Variants in SLCO6A1 observed in about 807,000 individuals in gnomAD.
The protein encoded by SLCO6A1 is cancer/testis antigen 48.
In SLCO6A1, 65 loss-of-function variants were observed where a neutral mutation model predicts 72.7. The observed-to-expected ratio is 0.89, with a 90% confidence interval of 0.73 to 1.10. The LOEUF is 1.10. Among genes scored for constraint, SLCO6A1 ranks in the 50% least tolerant of loss-of-function variants. The pLI, the probability that SLCO6A1 is intolerant of heterozygous loss-of-function variation, is 0.00. For missense variants in SLCO6A1, 874 were observed against 872.6 expected (o/e 1.00, Z -0.02); for synonymous variants, 314 against 298.2 (o/e 1.05, Z -0.55).
intron 1 of SLCO6A1, among the ~76,000 whole-genome samples, chr5:102,489,429 C>A (rs1274207220): frequency 6.6e-6 from 1 of 151,982 alleles, no homozygotes; most frequent in African/African-American, 2.4e-5. Context: ...AACAAATAAT[C>A]CAATTTAAAA....
chr5:102,393,652 G>A lies in SLCO6A1; in HGVS notation c.1815-2607C>T, dbSNP rs543308816. On this transcript the variant is annotated intron_variant, in intron 10 of 13. Coordinates refer to ENST00000506729, the MANE Select transcript of SLCO6A1 (RefSeq NM_173488.5). The stretch of plus-strand genomic sequence containing the variant: ...CTACATTTTTTTTTCTGTCTACCTT[G>A]TTACATCTAACATGCATCAGAGGAG... 3.3e-5 allele frequency among the ~76,000 whole-genome samples: 5 copies of A among 151,732 alleles called. 1 individual carries two copies. The highest frequency in any genetic ancestry group is 3.3e-4 in the Admixed American group (5 of 15,222).
rs558942273 is a variant in SLCO6A1, at chr5:102,374,653, A to C, written c.2018-1159T>G. On this transcript the variant is annotated intron_variant, in intron 12 of 13. Transcript: ENST00000506729. ...TCTATGCCATTTATAATGATACAAT[A>C]ACATTTTATACATTTTACAGGGAAA... 4.1e-3 allele frequency among the ~76,000 whole-genome samples: 631 copies of C among 152,334 alleles called. 10 individuals carry two copies. Among genetic ancestry groups the C allele is most frequent in the African/African-American group, 0.015 (607 of 41,588 alleles).
chr5:102,442,588 T>C (rs1438695991), intron 6 of SLCO6A1, among the ~76,000 whole-genome samples: 3 of 152,206 alleles, frequency 2.0e-5, no homozygotes, highest in East Asian at 1.9e-4. Flanking sequence ...ATCTACATGG[T>C]ATAAAACACA....
At chr5:102,480,550 T>C in intron 1 of SLCO6A1, 116 bp from the exon 2 acceptor site, 1 of 1,040,562 alleles carries the variant, frequency 9.6e-7, no homozygotes, top group Non-Finnish European at 1.4e-6. Context: ...TTATTCTGAA[T>C]GTTTAAAAGC....
Position 102,406,051 on chromosome 5 carries a change from G to A in SLCO6A1, c.1627-6309C>T, listed in dbSNP as rs148959066. 2.0e-5 allele frequency among the ~76,000 whole-genome samples: 3 copies of A among 152,002 alleles called. No homozygotes were observed. In the East Asian group the frequency reaches 5.8e-4, roughly 29 times the overall value. ...TCAATTCAAAGAGATAAAACAAAAT[G>A]TCAAGGTATACTAAAGTGAAATAGC... On this transcript the variant is annotated intron_variant, in intron 9 of 13. Transcript: ENST00000506729.
intron 1 of SLCO6A1, among the ~76,000 whole-genome samples, chr5:102,484,516 G>A (rs1369192667): frequency 6.6e-6 from 1 of 152,040 alleles, no homozygotes; most frequent in Admixed American, 6.5e-5. Flanking sequence ...AGGCGTGGTG[G>A]CGGGTGCCTG....
At position 102,477,671 on chromosome 5, in the gene SLCO6A1, C is replaced by T; in HGVS notation, c.802+5G>A. On this transcript the variant is annotated splice_donor_5th_base_variant and intron_variant, in intron 3 of 13. Coordinates refer to ENST00000506729, the MANE Select transcript of SLCO6A1 (RefSeq NM_173488.5). ...GTCAATCGTAATAGAGGGGGTAAAA[C>T]TTGCCTAAATAGATACCAGCTGAGT... 1 of 1,607,448 alleles carries T rather than the reference C, an allele frequency of 6.2e-7. No individual in the cohort carries two copies. The highest frequency in any genetic ancestry group is 1.7e-4 in the Middle Eastern group (1 of 6,022).
At position 102,455,603 on chromosome 5, in the gene SLCO6A1, C is replaced by T. The variant is rs1474808126; in HGVS notation, c.1131+2779G>A. On this transcript the variant is annotated intron_variant, in intron 6 of 13. Coordinates refer to ENST00000506729, the MANE Select transcript of SLCO6A1 (RefSeq NM_173488.5). Reference sequence around the variant, plus strand: ...ACTATTTTTCAACTTCTAGAGTTCTCTTCTGAGTTACTTAAACATAATAAA... The same window carrying T: ...ACTATTTTTCAACTTCTAGAGTTCTTTTCTGAGTTACTTAAACATAATAAA... Among the ~76,000 whole-genome samples, 4 of 152,206 alleles carry T rather than the reference C, an allele frequency of 2.6e-5. No individual in the cohort carries two copies. In the East Asian group the frequency reaches 5.8e-4, roughly 22 times the overall value.
At chr5:102,390,653 A>T (rs2112519240) in intron 11 of SLCO6A1, among the ~76,000 whole-genome samples, 1 of 152,238 alleles carries the variant, frequency 6.6e-6, no homozygotes, top group East Asian at 1.9e-4. Flanking sequence ...AACTTCCCAA[A>T]CACGCAAGCA....
chr5:102,465,154 G>T (rs746348837), intron 4 of SLCO6A1, among the ~76,000 whole-genome samples: 2 of 152,082 alleles, frequency 1.3e-5, no homozygotes, highest in Non-Finnish European at 2.9e-5. Flanking sequence ...TTTGTATTAT[G>T]TCAGCTAGAC....
chr5:102,479,470 T>C (rs1420781022), intron 2 of SLCO6A1, among the ~76,000 whole-genome samples: 1 of 152,086 alleles, frequency 6.6e-6, no homozygotes, highest in East Asian at 1.9e-4. Flanking sequence ...CCTTTCCTAA[T>C]GATAATTTCA....
intron 1 of SLCO6A1, among the ~76,000 whole-genome samples, chr5:102,495,936 T>G (rs1388320606): frequency 6.6e-6 from 1 of 152,184 alleles, no homozygotes; most frequent in African/African-American, 2.4e-5. Context: ...TGTTCCAGAT[T>G]AAAGAAGACT....
intron 9 of SLCO6A1, among the ~76,000 whole-genome samples, chr5:102,410,815 T>C (rs1747934055): frequency 6.6e-6 from 1 of 152,156 alleles, no homozygotes; most frequent in Non-Finnish European, 1.5e-5. Context: ...TATTGCCCCA[T>C]GAACCTCTAA....
At chr5:102,389,266 G>T (rs1746595774) in intron 11 of SLCO6A1, among the ~76,000 whole-genome samples, 2 of 152,056 alleles carry the variant, frequency 1.3e-5, no homozygotes, top group South Asian at 4.1e-4. Context: ...AAGACATTGA[G>T]AAAAATAACT....
chr5:102,454,298 CCA>C (rs1288972903), intron 6 of SLCO6A1, among the ~76,000 whole-genome samples: 1 of 152,120 alleles, frequency 6.6e-6, no homozygotes, highest in East Asian at 1.9e-4. Context: ...GGATGCAGTC[CCA>C]AATTTAAATG....
In SLCO6A1 at chr5:102,480,426, A is replaced by G; in HGVS notation, c.367T>C (p.Phe123Leu). 6.2e-7 allele frequency: 1 copy of G among 1,608,682 alleles called. No homozygotes were observed. Among genetic ancestry groups the G allele is most frequent in the Non-Finnish European group, 8.5e-7 (1 of 1,177,888 alleles). The stretch of plus-strand genomic sequence containing the variant: ...CCAATGCTGACATCTATAAGACCAA[A>G]CACCACACCTAAAATGTAAAAAGAA... ...CILLICQGVVFGLIDVSIGDF... is the reference protein window; with the variant it reads ...CILLICQGVVLGLIDVSIGDF... The change falls in exon 2 of 14, where the codon TTT (phenylalanine) becomes CTT (leucine). Residue 123 changes from phenylalanine (F) to leucine (L), a missense_variant. Phe to Leu is a conservative substitution (Grantham distance 22, BLOSUM62 0). Coordinates refer to ENST00000506729, the MANE Select transcript of SLCO6A1 (RefSeq NM_173488.5).
Position 102,373,814 on chromosome 5 carries a change from C to T in SLCO6A1, c.2018-320G>A, listed in dbSNP as rs148795362. ...TCAAAACTTAGCTATCAATAGGAAC[C>T]AGAGCTAAGTCATTTCATGCAGCTT... On this transcript the variant is annotated intron_variant, in intron 12 of 13. Coordinates refer to ENST00000506729, the MANE Select transcript of SLCO6A1 (RefSeq NM_173488.5). Among the ~76,000 whole-genome samples the T allele has an allele frequency of 6.3e-3, 952 of 152,180 alleles. 13 individuals carry two copies. Among genetic ancestry groups the T allele is most frequent in the Non-Finnish European group, 6.8e-3 (459 of 67,994 alleles).
intron 12 of SLCO6A1, among the ~76,000 whole-genome samples, chr5:102,378,060 T>C (rs1745903395): frequency 6.6e-6 from 1 of 151,856 alleles, no homozygotes; most frequent in Non-Finnish European, 1.5e-5. Context: ...GTATTAATTT[T>C]TATTATACAA....
chr5:102,387,418 A>G (rs1173192263), intron 12 of SLCO6A1, among the ~76,000 whole-genome samples: 2 of 152,226 alleles, frequency 1.3e-5, no homozygotes, highest in Non-Finnish European at 2.9e-5. Context: ...GTTTGAAAAC[A>G]GGTAACCATG....
Sources: allele counts gnomAD v4.1 joint callset (sites outside exome capture counted in the v4.1 genomes callset), GRCh38; gene constraint gnomAD v4.1.1; transcripts MANE v1.5; gene names NCBI Gene and HGNC (gene_info 2026-07-23, HGNC 2026-07-21).